Variants in AP1B1 observed in about 807,000 individuals in gnomAD.
AP1B1 encodes AP-1 complex subunit beta-1.
AP1B1 carries 36 observed loss-of-function variants against 104.3 expected under a neutral mutation model. That is an observed-to-expected ratio of 0.35 (90% CI 0.26 to 0.46). The LOEUF (loss-of-function observed/expected upper bound fraction) is 0.46. Ranked by LOEUF, AP1B1 falls within the 20% of genes least tolerant of loss-of-function variation. The pLI is 1.00. For missense variants in AP1B1, 901 were observed against 1,247.9 expected (o/e 0.72, Z 4.19); for synonymous variants, 504 against 517.5 (o/e 0.97, Z 0.35).
rs766891949 is a variant in AP1B1, at chr22:29,356,550, C to G, written c.592G>C (p.Asp198His). 5 of 1,614,152 alleles carry G rather than the reference C, an allele frequency of 3.1e-6. No individual in the cohort carries two copies. In the South Asian group the frequency reaches 3.3e-5, roughly 11 times the overall value. The change falls in exon 6 of 23, where the codon GAT (aspartate) becomes CAT (histidine). Residue 198 changes from aspartate to histidine, a missense_variant. Coordinates refer to ENST00000357586, the MANE Select transcript of AP1B1 (RefSeq NM_001127.4). The stretch of plus-strand genomic sequence containing the variant: ...TTGTTGATGGACTGTGGGTTCAGAT[C>G]GAGCAGGTTGCTGCTGGGGTGAGAC... ...AESHPSSNLL[D>H]LNPQSINKLL...
chr22:29,379,378 C>G (rs1427406638), intron 1 of AP1B1, among the ~76,000 whole-genome samples: 4 of 152,120 alleles, frequency 2.6e-5, no homozygotes, highest in African/African-American at 9.7e-5. Context: ...AGTAAGGCTT[C>G]TTCTGAACAA....
chr22:29,354,926 G>A (rs1325497843), intron 6 of AP1B1, 55 bp from the exon 7 acceptor site: 3 of 1,512,530 alleles, frequency 2.0e-6, no homozygotes, highest in Non-Finnish European at 2.7e-6. Flanking sequence ...GAAACATTCT[G>A]TTTTTAGTTA....
At chr22:29,357,711 G>T (rs1214779061) in intron 5 of AP1B1, among the ~76,000 whole-genome samples, 1 of 117,486 alleles carries the variant, frequency 8.5e-6, no homozygotes, top group Non-Finnish European at 1.7e-5. Context: ...TTTTTGAGAC[G>T]GAGTCTAGCT....
In AP1B1 at chr22:29,328,870, T is replaced by C; in HGVS notation, c.2801A>G (p.Glu934Gly). 2 of 1,609,472 alleles carry C rather than the reference T, an allele frequency of 1.2e-6. No individual in the cohort carries two copies. The highest frequency in any genetic ancestry group is 1.7e-6 in the Non-Finnish European group (2 of 1,179,176). The change falls in exon 23 of 23, where the codon GAG becomes GGG. Residue 934 changes from glutamate to glycine, a missense_variant. By Grantham distance (98) the Glu-to-Gly change is moderately conservative (BLOSUM62 -2). Coordinates refer to ENST00000357586, the MANE Select transcript of AP1B1 (RefSeq NM_001127.4). This position sits in a 1 kb window ranked among gnomAD's most constrained non-coding sequence, Gnocchi z 4.1. Reference protein sequence around the residue: ...LELSLKCRAPEVSQHVYQAYE... With the variant: ...LELSLKCRAPGVSQHVYQAYE... ...GGCCTGGTACACGTGCTGGGACACC[T>C]CTGGTGCTCGACACTTCAGGGACAG...
At chr22:29,331,956 A>T in intron 17 of AP1B1, 40 bp from the exon 18 acceptor site, 2 of 1,582,036 alleles carry the variant, frequency 1.3e-6, no homozygotes, top group Non-Finnish European at 1.7e-6. Context: ...CAGGGGGAGT[A>T]GGTGCTGATG....
chr22:29,343,563 A>G (rs1245599682), intron 11 of AP1B1, among the ~76,000 whole-genome samples: 4 of 152,362 alleles, frequency 2.6e-5, no homozygotes, highest in South Asian at 2.1e-4. Context: ...TGGGCAGCCA[A>G]TGGGAAGCCG....
intron 11 of AP1B1, among the ~76,000 whole-genome samples, chr22:29,344,059 G>A (rs762669822): frequency 1.7e-4 from 26 of 149,980 alleles, no homozygotes; most frequent in African/African-American, 3.2e-4. Flanking sequence ...GCAGTGAGCC[G>A]AGGTCTCGCC....
Position 29,334,205 on chromosome 22 carries a change from C to T in AP1B1, c.2309+60G>A, listed in dbSNP as rs1237820387. The T allele has an allele frequency of 1.9e-5, 29 of 1,505,946 alleles. No homozygotes were observed. The East Asian group carries it at 5.0e-4, about 26-fold the overall frequency. The allele number at this position is 1,505,946 out of a possible 1,614,324, so 93.3% of individuals were successfully genotyped here. A position where few individuals can be genotyped will look rare whatever the true frequency, so the allele number is the denominator to read the frequency against. Reference sequence around the variant, plus strand: ...TGCCTGCAGTCCCCAGAACAGACTCCGAGTGGGTTCTCTCACAGGCCTCCT... The same window carrying T: ...TGCCTGCAGTCCCCAGAACAGACTCTGAGTGGGTTCTCTCACAGGCCTCCT... On this transcript the variant is annotated intron_variant, in intron 17 of 22. Coordinates refer to ENST00000357586, the MANE Select transcript of AP1B1 (RefSeq NM_001127.4).
At chr22:29,384,823 G>C (rs11705446) in intron 1 of AP1B1, among the ~76,000 whole-genome samples, 1 of 151,838 alleles carries the variant, frequency 6.6e-6, no homozygotes, top group Non-Finnish European at 1.5e-5. Context: ...AGCCAAGATC[G>C]CGCCACTGCA....
intron 21 of AP1B1, chr22:29,329,938 AG>A (rs1279951098): frequency 7.0e-7 from 1 of 1,425,612 alleles, no homozygotes; most frequent in African/African-American, 1.4e-5. Flanking sequence ...ACAGCGGTGC[AG>A]GCCTCCAGGA....
chr22:29,347,742 C>T lies in AP1B1; in HGVS notation c.1437+1476G>A, dbSNP rs563011359. Among the ~76,000 whole-genome samples, 44 of 152,324 alleles carry T rather than the reference C, an allele frequency of 2.9e-4. 1 individual carries two copies. In the South Asian group the frequency reaches 9.1e-3, roughly 32 times the overall value. On this transcript the variant is annotated intron_variant, in intron 11 of 22. Transcript: ENST00000357586. The stretch of plus-strand genomic sequence containing the variant: ...AAACAAAGCAGAAGTAAGGAGAGGG[C>T]AATCCCAGCATCTGAGATAGGAGTC...
chr22:29,329,086 C>T lies in AP1B1; in HGVS notation c.2776-191G>A, dbSNP rs558145781. The T allele has an allele frequency of 7.8e-6, 11 of 1,403,058 alleles. No homozygotes were observed. The South Asian group carries it at 1.0e-4, about 13-fold the overall frequency. The allele number at this position is 1,403,058 out of a possible 1,614,324, so 86.9% of individuals were successfully genotyped here. The stretch of plus-strand genomic sequence containing the variant: ...CTGTCGCAGCCAGCCGGGTGTGGAC[C>T]AAATATACTTGCAGCCCACACACCT... On this transcript the variant is annotated intron_variant, in intron 22 of 22. Coordinates refer to ENST00000357586, the MANE Select transcript of AP1B1 (RefSeq NM_001127.4).
At chr22:29,378,136 A>AGGGCC (rs59766730) in intron 1 of AP1B1, among the ~76,000 whole-genome samples, 3,727 of 152,254 alleles carry the variant, frequency 0.024, 137 homozygotes, top group African/African-American at 0.086. Flanking sequence ...AGGTTATTTT[A>AGGGCC]GGGCCAGCCC....
At chr22:29,349,457 C>T in intron 10 of AP1B1, 74 bp from the exon 11 acceptor site, 1 of 1,548,466 alleles carries the variant, frequency 6.5e-7, no homozygotes, top group South Asian at 1.1e-5. Flanking sequence ...AGACAGGGGC[C>T]AGGAGGGAAG....
chr22:29,336,511 C>T lies in AP1B1; in HGVS notation c.2164-2101G>A, dbSNP rs542386696. On this transcript the variant is annotated intron_variant, in intron 16 of 22. Transcript: ENST00000357586. ...CAAAGCAGGGGTAACACTGGTAAGA[C>T]AAACACATGGCTGGGCGCAGTGGCT... 9.8e-5 allele frequency among the ~76,000 whole-genome samples: 15 copies of T among 152,302 alleles called. 1 individual carries two copies. In the South Asian group the frequency reaches 3.1e-3, roughly 32 times the overall value.
intron 5 of AP1B1, among the ~76,000 whole-genome samples, chr22:29,357,977 C>T (rs542572590): frequency 1.9e-4 from 29 of 152,312 alleles, no homozygotes; most frequent in African/African-American, 7.0e-4. Context: ...TGAGCCACTG[C>T]ACCCGGCCCA....
At chr22:29,376,818 G>C (rs1281832626) in intron 1 of AP1B1, among the ~76,000 whole-genome samples, 1 of 152,146 alleles carries the variant, frequency 6.6e-6, no homozygotes, top group Non-Finnish European at 1.5e-5. Context: ...GCCCTGGACT[G>C]TGTACCTGCT....
chr22:29,346,709 G>C (rs2061798295), intron 11 of AP1B1, among the ~76,000 whole-genome samples: 1 of 152,158 alleles, frequency 6.6e-6, no homozygotes, highest in South Asian at 2.1e-4. Flanking sequence ...TGCAGGAGCA[G>C]AACCCAGCAT....
intron 1 of AP1B1, among the ~76,000 whole-genome samples, chr22:29,376,486 A>C (rs964002554): frequency 1.3e-5 from 2 of 152,216 alleles, no homozygotes; most frequent in Non-Finnish European, 2.9e-5. Flanking sequence ...TCTGAACTCA[A>C]GGACATTCAA....
Sources: gnomAD v4.1 joint callset for allele counts (sites outside exome capture counted in the v4.1 genomes callset) on GRCh38, gnomAD v4.1.1 for gene constraint, Gnocchi (gnomAD v3.1) non-coding constraint, MANE v1.5 for transcripts, NCBI Gene and HGNC (gene_info 2026-07-23, HGNC 2026-07-21) for gene names.